Variants in BIRC6 observed in about 807,000 individuals in gnomAD.
BIRC6 encodes baculoviral IAP repeat containing 6.
BIRC6 carries 98 observed loss-of-function variants against 503.3 expected under a neutral mutation model. The ratio of observed to expected loss-of-function variants is 0.19; its 90% CI spans 0.17 to 0.23. The LOEUF is 0.23. Ranked by LOEUF, BIRC6 falls within the 10% of genes least tolerant of loss-of-function variation. The pLI is 1.00. For missense variants in BIRC6, 5,360 were observed against 5,806.0 expected (o/e 0.92, Z 2.50); for synonymous variants, 2,240 against 2,078.7 (o/e 1.08, Z -2.11).
At position 32,508,143 on chromosome 2, in the gene BIRC6, C is replaced by G. The variant is rs1275762633; in HGVS notation, c.9864C>G (p.Ala3288=). Reference sequence around the variant, plus strand: ...TTAGACTACATCGTCCACGGGATGCCAGCACATTAGGCCTTTCACAAATTA... The same window carrying G: ...TTAGACTACATCGTCCACGGGATGCGAGCACATTAGGCCTTTCACAAATTA... ...VCLRLHRPRD[A]STLGLSQIKL... The change falls in exon 51 of 74, where the codon GCC becomes GCG. Residue 3288 remains alanine (A), a synonymous_variant. Transcript: ENST00000421745. The G allele has an allele frequency of 6.2e-7, 1 of 1,613,924 alleles. No individual in the cohort carries two copies. Among genetic ancestry groups the G allele is most frequent in the Non-Finnish European group, 8.5e-7 (1 of 1,179,894 alleles).
At chr2:32,507,762 T>C (rs1439620322) in intron 50 of BIRC6, among the ~76,000 whole-genome samples, 1 of 152,222 alleles carries the variant, frequency 6.6e-6, no homozygotes, top group Non-Finnish European at 1.5e-5. Context: ...TGTTTAAGTA[T>C]AATTTTTATT....
intron 62 of BIRC6, 75 bp downstream of exon 62, chr2:32,543,616 A>G (rs2057836947): frequency 1.4e-6 from 2 of 1,386,996 alleles, no homozygotes; most frequent in South Asian, 1.3e-5. Context: ...ATTGCCTATT[A>G]TTCATCATTT....
At chr2:32,459,430 CAA>C (rs963876971) in intron 23 of BIRC6, among the ~76,000 whole-genome samples, 1 of 151,352 alleles carries the variant, frequency 6.6e-6, no homozygotes, top group Admixed American at 6.6e-5. Context: ...GTTTTTTGGT[CAA>C]TGTGTGTTTT....
At chr2:32,363,104 G>A (rs2149115417) in intron 1 of BIRC6, among the ~76,000 whole-genome samples, 1 of 152,278 alleles carries the variant, frequency 6.6e-6, no homozygotes, top group East Asian at 1.9e-4. Context: ...GCTGAGGCAG[G>A]AGGATCGCTT....
intron 63 of BIRC6, 126 bp from the exon 64 acceptor site, chr2:32,547,724 A>T: frequency 2.4e-6 from 2 of 826,032 alleles, no homozygotes; most frequent in Non-Finnish European, 3.6e-6. Context: ...TCTGTGTTCA[A>T]TTTTTTTGAG....
At chr2:32,455,303 G>A (rs1261175148) in intron 23 of BIRC6, among the ~76,000 whole-genome samples, 3 of 149,956 alleles carry the variant, frequency 2.0e-5, no homozygotes, top group African/African-American at 7.4e-5. Context: ...TGGCGTGAAC[G>A]TGAGAGGTGG....
chr2:32,474,267 TTCAATCCTTTGCAGG>T (rs2049468490), intron 33 of BIRC6, among the ~76,000 whole-genome samples: 1 of 152,182 alleles, frequency 6.6e-6, no homozygotes, highest in Admixed American at 6.5e-5. Flanking sequence ...TATGAGCTAG[TTCAATCCTTTGCAGG>T]AAAAATGAGA....
chr2:32,469,465 G>A lies in BIRC6; in HGVS notation c.6198G>A (p.Leu2066=), dbSNP rs1319875844. ...CCTGTGAAGAGCTCTTTAAACACTT[G>A]TGCATCAGTGGAACCCCAAAGATAC... ...AQACEELFKH[L]CISGTPKIRL... The change falls in exon 30 of 74, where the codon TTG becomes TTA. Residue 2066 remains leucine, a synonymous_variant. Coordinates refer to ENST00000421745, the MANE Select transcript of BIRC6 (RefSeq NM_016252.4). 2.5e-6 allele frequency: 4 copies of A among 1,613,800 alleles called. No homozygotes were observed. Among genetic ancestry groups the A allele is most frequent in the Admixed American group, 1.7e-5 (1 of 59,988 alleles).
chr2:32,407,445 C>CAAAAAAAAAAAAAAAAAAA, intron 9 of BIRC6, among the ~76,000 whole-genome samples: 1 of 69,812 alleles, frequency 1.4e-5, no homozygotes, highest in Non-Finnish European at 3.0e-5. Context: ...AACTCTGTCT[C>CAAAAAAAAAAAAAAAAAAA]AAAAAAAAAA....
chr2:32,487,867 AT>A (rs1335854266), intron 41 of BIRC6, 66 bp downstream of exon 41: 2 of 1,363,870 alleles, frequency 1.5e-6, no homozygotes, highest in Non-Finnish European at 2.1e-6. Flanking sequence ...GATGAAACTA[AT>A]TGGGAAGTTC....
At chr2:32,608,709 C>T (rs1559150600) in intron 72 of BIRC6, among the ~76,000 whole-genome samples, 1 of 151,446 alleles carries the variant, frequency 6.6e-6, no homozygotes, top group South Asian at 2.1e-4. Context: ...GAGCCACCGC[C>T]CCGGCCTATT....
rs2054983390 is a variant in BIRC6 at position 32,515,919 on chromosome 2, C to T, written c.11349+149C>T. 4.1e-6 allele frequency: 3 copies of T among 725,522 alleles called. No individual in the cohort carries two copies. In the African/African-American group the frequency reaches 5.3e-5, roughly 13 times the overall value. The allele number at this position is 725,522 out of a possible 1,614,324, so 44.9% of individuals were successfully genotyped here. A position where few individuals can be genotyped will look rare whatever the true frequency, so the allele number is the denominator to read the frequency against. ...TAAAGTACTGATATCTCCTTTCTCC[C>T]CCTCAAAATATGCTGTCACTGGAAT... On this transcript the variant is annotated intron_variant, in intron 55 of 73. Transcript: ENST00000421745.
Position 32,468,049 on chromosome 2 carries a change from C to A in BIRC6, c.5718C>A (p.Asn1906Lys), listed in dbSNP as rs1185056434. 4 of 1,613,884 alleles carry A rather than the reference C, an allele frequency of 2.5e-6. No individual in the cohort carries two copies. Among genetic ancestry groups the A allele is most frequent in the South Asian group, 2.2e-5 (2 of 91,068 alleles). ...DPLKGEGESANQPEIDQHLAM... is the reference protein window; with the variant it reads ...DPLKGEGESAKQPEIDQHLAM... ...TAAAGGGAGAGGGAGAATCTGCAAA[C>A]CAGCCAGAAATTGACCAGCATTTAG... is the stretch of plus-strand genomic sequence containing the variant. Residue 1906 changes from asparagine to lysine, a missense_variant, in exon 28 of 74, where the codon AAC becomes AAA. By Grantham distance (94) the Asn-to-Lys change is moderately conservative. Transcript: ENST00000421745.
intron 32 of BIRC6, 88 bp downstream of exon 32, chr2:32,471,212 G>GA: frequency 6.6e-7 from 1 of 1,504,828 alleles, no homozygotes; most frequent in Non-Finnish European, 9.0e-7. Context: ...AGTTGTTCCA[G>GA]AACTGGCTAT....
intron 24 of BIRC6, 59 bp from the exon 25 acceptor site, chr2:32,464,450 C>T: frequency 6.8e-7 from 1 of 1,470,118 alleles, no homozygotes; most frequent in Admixed American, 2.5e-5. Context: ...ATGTGGTATT[C>T]TGCCACAATT....
chr2:32,601,998 TACAC>T (rs2062093464), intron 70 of BIRC6, among the ~76,000 whole-genome samples: 1 of 152,126 alleles, frequency 6.6e-6, no homozygotes, highest in South Asian at 2.1e-4. Context: ...TAGAAAGAAA[TACAC>T]AAAAATATAA....
In BIRC6 at chr2:32,480,621, C is replaced by CTTTTTTTTTTTTTTTTTTT. The variant is rs560251664; in HGVS notation, c.7409-680_7409-662dup. On this transcript the variant is annotated intron_variant, in intron 37 of 73. Coordinates refer to ENST00000421745, the MANE Select transcript of BIRC6 (RefSeq NM_016252.4). ...CATAACAGAAAAATAAGGTAAATGGCTTTTTTTTTTTTTTTTTTTTTTTTT... is the reference window on the plus strand; with the variant it reads ...CATAACAGAAAAATAAGGTAAATGGCTTTTTTTTTTTTTTTTTTTTTTTTTTTTTTTTTTTTTTTTTTTT... Among the ~76,000 whole-genome samples, 13 of 60,742 alleles carry CTTTTTTTTTTTTTTTTTTT rather than the reference C, an allele frequency of 2.1e-4. 3 individuals are homozygous for CTTTTTTTTTTTTTTTTTTT. In the East Asian group the frequency reaches 4.9e-3, roughly 23 times the overall value. 39.8% of individuals were successfully genotyped at this position (60,742 alleles called of 152,430 possible). A position where few individuals can be genotyped will look rare whatever the true frequency, so the allele number is the denominator to read the frequency against.
chr2:32,560,721 C>G (rs1349683944), intron 65 of BIRC6, among the ~76,000 whole-genome samples: 2 of 152,108 alleles, frequency 1.3e-5, no homozygotes, highest in Non-Finnish European at 2.9e-5. Flanking sequence ...CACCTGCCAC[C>G]ATGCCCAGCT....
intron 39 of BIRC6, among the ~76,000 whole-genome samples, chr2:32,484,806 G>C (rs1481355959): frequency 6.6e-6 from 1 of 152,168 alleles, no homozygotes; most frequent in Admixed American, 6.5e-5. Flanking sequence ...AAGTAGCTGA[G>C]ATTACAGCAT....
Sources: allele counts gnomAD v4.1 joint callset (sites outside exome capture counted in the v4.1 genomes callset), GRCh38; gene constraint gnomAD v4.1.1; transcripts MANE v1.5; gene names NCBI Gene and HGNC (gene_info 2026-07-23, HGNC 2026-07-21).